The following SYT14 variants were observed in gnomAD, a reference collection of about 807,000 sequenced individuals.
SYT14 encodes synaptotagmin-14.
SYT14 carries 32 observed loss-of-function variants against 74.2 expected under a neutral mutation model. That is an observed-to-expected ratio of 0.43 (90% CI 0.33 to 0.58). The LOEUF is 0.58. Ranked by LOEUF, SYT14 falls within the 20% of genes least tolerant of loss-of-function variation. The pLI, the probability that SYT14 is intolerant of heterozygous loss-of-function variation, is 0.05. For synonymous variants in SYT14, 298 were observed against 337.7 expected, an observed-to-expected ratio of 0.88 and a Z score of 1.29; for missense variants, 791 against 981.8, an observed-to-expected ratio of 0.81 and a Z score of 2.60.
intron 2 of SYT14, among the ~76,000 whole-genome samples, chr1:209,983,159 C>A (rs2079517285): frequency 6.6e-6 from 1 of 151,596 alleles, no homozygotes; most frequent in South Asian, 2.1e-4. Context: ...TTCTCATTTT[C>A]TTCGCATTGT....
At chr1:210,077,264 A>G (rs772097311) in intron 5 of SYT14, among the ~76,000 whole-genome samples, 39 of 152,032 alleles carry the variant, frequency 2.6e-4, no homozygotes, top group Non-Finnish European at 5.0e-4. Flanking sequence ...GATGCCACAC[A>G]CTTAAAACAA....
At chr1:209,963,621 A>G (rs1469648995) in intron 2 of SYT14, among the ~76,000 whole-genome samples, 3 of 152,206 alleles carry the variant, frequency 2.0e-5, no homozygotes, top group Admixed American at 6.5e-5. Flanking sequence ...AAAAATATCT[A>G]CAGAGGACAG....
intron 5 of SYT14, among the ~76,000 whole-genome samples, chr1:210,059,316 T>G (rs960455883): frequency 2.6e-5 from 4 of 151,392 alleles, no homozygotes; most frequent in Admixed American, 6.6e-5. Context: ...CATGCTAAAG[T>G]CCCATACTAA....
intron 5 of SYT14, among the ~76,000 whole-genome samples, chr1:210,089,713 C>G (rs1329428589): frequency 6.6e-6 from 1 of 152,106 alleles, no homozygotes; most frequent in Non-Finnish European, 1.5e-5. Context: ...TAGTTTAATT[C>G]TGTAGTGGTC....
chr1:210,104,060 A>T (rs1461956661), intron 7 of SYT14, among the ~76,000 whole-genome samples: 1 of 152,222 alleles, frequency 6.6e-6, no homozygotes, highest in Admixed American at 6.5e-5. Flanking sequence ...TACAGACTGA[A>T]CAAAGAAGCA....
chr1:210,005,982 A>G (rs1440357120), intron 2 of SYT14, among the ~76,000 whole-genome samples: 1 of 151,936 alleles, frequency 6.6e-6, no homozygotes, highest in African/African-American at 2.4e-5. Context: ...GGTTCAATCT[A>G]TTCATGGCTT....
At chr1:210,079,700 T>G (rs573365296) in intron 5 of SYT14, among the ~76,000 whole-genome samples, 20 of 152,272 alleles carry the variant, frequency 1.3e-4, no homozygotes, top group African/African-American at 4.3e-4. Flanking sequence ...AAAACTATTT[T>G]GAGTCATTGG....
At chr1:210,020,410 A>G (rs1431095726) in intron 4 of SYT14, among the ~76,000 whole-genome samples, 1 of 152,178 alleles carries the variant, frequency 6.6e-6, no homozygotes, top group South Asian at 2.1e-4. Flanking sequence ...GAATTGGTAA[A>G]TTCCTGGAAA....
chr1:210,167,526 T>C (rs946202012), exon 10 of SYT14: 2 of 152,360 alleles, frequency 1.3e-5, no homozygotes, highest in East Asian at 1.9e-4. Context: ...TTCTCTGATG[T>C]AATATTTTGT....
chr1:210,035,679 G>A (rs1157125652), intron 5 of SYT14, among the ~76,000 whole-genome samples: 3 of 151,910 alleles, frequency 2.0e-5, no homozygotes, highest in African/African-American at 7.2e-5. Context: ...TTATGGAATA[G>A]TGTGTCATTT....
intron 6 of SYT14, among the ~76,000 whole-genome samples, chr1:210,097,757 T>C (rs1297791273): frequency 1.3e-5 from 2 of 152,244 alleles, no homozygotes; most frequent in African/African-American, 4.8e-5. Context: ...AGAATATGTT[T>C]TGATTTTCTT....
intron 2 of SYT14, 92 bp from the exon 3 acceptor site, chr1:210,013,541 G>C: frequency 1.7e-6 from 2 of 1,201,164 alleles, no homozygotes; most frequent in Non-Finnish European, 2.4e-6. Context: ...ATTCAAATAA[G>C]GTAGTAAGCT....
intron 2 of SYT14, among the ~76,000 whole-genome samples, chr1:209,957,024 T>C (rs1361662686): frequency 6.6e-6 from 1 of 152,096 alleles, no homozygotes; most frequent in African/African-American, 2.4e-5. Context: ...AGAAGCTATG[T>C]ACAAAGACTG....
At chr1:210,103,054 C>T (rs1326020792) in intron 7 of SYT14, among the ~76,000 whole-genome samples, 1 of 151,940 alleles carries the variant, frequency 6.6e-6, no homozygotes, top group Admixed American at 6.6e-5. Flanking sequence ...AGTTTTAATC[C>T]AGCCAAAGAA....
At chr1:210,046,159 T>TCAGGAGGGTGAGGCAGCAGGATCA (rs1332192904) in intron 5 of SYT14, among the ~76,000 whole-genome samples, 4 of 152,136 alleles carry the variant, frequency 2.6e-5, no homozygotes, top group Non-Finnish European at 4.4e-5. Flanking sequence ...TCACTTGAGG[T>TCAGGAGGGTGAGGCAGCAGGATCA]CAGGAGTTCA....
chr1:210,141,173 G>A (rs993622842), intron 7 of SYT14, among the ~76,000 whole-genome samples: 3 of 151,884 alleles, frequency 2.0e-5, no homozygotes, highest in Non-Finnish European at 4.4e-5. Flanking sequence ...AGCATGAGAT[G>A]TCTTTTCATT....
intron 5 of SYT14, among the ~76,000 whole-genome samples, chr1:210,082,017 G>A (rs1252552928): frequency 6.6e-6 from 1 of 152,196 alleles, no homozygotes; most frequent in Non-Finnish European, 1.5e-5. Context: ...AACGTTAAAT[G>A]TTAAGATTTT....
At chr1:210,059,641 G>A (rs561911303) in intron 5 of SYT14, among the ~76,000 whole-genome samples, 4 of 151,996 alleles carry the variant, frequency 2.6e-5, no homozygotes, top group South Asian at 2.1e-4. Context: ...GCCAGAATTG[G>A]CAGGATAAAA....
chr1:210,095,958 A>G (rs1406960058), intron 6 of SYT14, among the ~76,000 whole-genome samples: 1 of 152,200 alleles, frequency 6.6e-6, no homozygotes, highest in African/African-American at 2.4e-5. Flanking sequence ...TATATAGCTC[A>G]CAAGTTAACA....
Sources: allele counts gnomAD v4.1 joint callset (sites outside exome capture counted in the v4.1 genomes callset), GRCh38; gene constraint gnomAD v4.1.1; transcripts MANE v1.5; gene names NCBI Gene and HGNC (gene_info 2026-07-23, HGNC 2026-07-21).